FGFR4: variants seen among roughly 807,000 people sequenced by gnomAD.
FGFR4 encodes hydroxyaryl-protein kinase.
Under a neutral mutation model 89.9 loss-of-function variants are expected in FGFR4, and 63 were observed. That is an observed-to-expected ratio of 0.70 (90% CI 0.57 to 0.86). The LOEUF is 0.86. Among genes scored for constraint, FGFR4 ranks in the 40% least tolerant of loss-of-function variants. The pLI is 0.00. For synonymous variants in FGFR4, 486 were observed against 479.4 expected (o/e 1.01, Z -0.18); for missense variants, 928 against 1,106.7 (o/e 0.84, Z 2.29).
rs752246420 is a variant in FGFR4, at chr5:177,093,545, G to C, written c.1391G>C (p.Arg464Pro). Residue 464 changes from arginine to proline, a missense_variant, in exon 10 of 18, where the codon CGG (arginine) becomes CCG (proline). Transcript: ENST00000292408. This position sits in a 1 kb window ranked among gnomAD's most constrained non-coding sequence, Gnocchi z 5.8. ...CTCGACCCACTATGGGAGTTCCCCC[G>C]GGACAGGTGCGCTGAGCTGTGTGGG... Reference protein sequence around the residue: ...LPLDPLWEFPRDRLVLGKPLG... With the variant: ...LPLDPLWEFPPDRLVLGKPLG... 2.5e-6 allele frequency: 4 copies of C among 1,613,396 alleles called. No homozygotes were observed. Among genetic ancestry groups the C allele is most frequent in the Admixed American group, 3.3e-5 (2 of 59,988 alleles).
chr5:177,096,560 T>A (rs375435196), intron 15 of FGFR4, 44 bp from the exon 16 acceptor site: 15 of 1,607,854 alleles, frequency 9.3e-6, no homozygotes, highest in Non-Finnish European at 1.2e-5. Context: ...GCCCCGGTCG[T>A]CGGGAGGGCG....
At position 177,091,012 on chromosome 5, in the gene FGFR4, C is replaced by T. The variant is rs139464025; in HGVS notation, c.511C>T (p.Arg171Cys). The T allele has an allele frequency of 5.0e-6, 8 of 1,613,474 alleles. No individual in the cohort carries two copies. Among genetic ancestry groups the T allele is most frequent in the Admixed American group, 1.7e-5 (1 of 59,992 alleles). ...AVPAGNTVKFRCPAAGNPTPT... is the reference protein window; with the variant it reads ...AVPAGNTVKFCCPAAGNPTPT... The stretch of plus-strand genomic sequence containing the variant: ...ACCTGCGGGGAACACCGTCAAGTTC[C>T]GCTGTCCAGCTGCAGGCAACCCCAC... The change falls in exon 5 of 18, where the codon CGC becomes TGC. Residue 171 changes from arginine (R) to cysteine (C), a missense_variant. Transcript: ENST00000292408.
At chr5:177,090,101 T>C in intron 2 of FGFR4, 1 of 664,682 alleles carries the variant, frequency 1.5e-6, no homozygotes, top group Non-Finnish European at 2.7e-6. Context: ...ATGTGCCTTG[T>C]GTGTGTGTGT....
Position 177,087,763 on chromosome 5 carries a change from G to A in FGFR4, c.-54+686G>A. ...AAGGAGGATCCGACTGGATTCGAGA[G>A]TTGAGGTGGGCCAGAGACAGCAGTA... On this transcript the variant is annotated intron_variant, in intron 1 of 17. Transcript: ENST00000292408. The surrounding 1 kb of genome is among the most constrained non-coding windows in gnomAD (Gnocchi z 6.1). The A allele has an allele frequency of 2.3e-6, 1 of 434,836 alleles. No individual in the cohort carries two copies. Among genetic ancestry groups the A allele is most frequent in the Non-Finnish European group, 3.1e-6 (1 of 326,846 alleles). The allele number at this position is 434,836 out of a possible 1,614,324, so 26.9% of individuals were successfully genotyped here. A position where few individuals can be genotyped will look rare whatever the true frequency, so the allele number is the denominator to read the frequency against.
At position 177,097,934 on chromosome 5, in the gene FGFR4, T is replaced by G; in HGVS notation, c.*258T>G. 2.4e-6 allele frequency: 1 copy of G among 423,426 alleles called. No individual in the cohort carries two copies. The highest frequency in any genetic ancestry group is 3.6e-5 in the East Asian group (1 of 28,158). The allele number at this position is 423,426 out of a possible 1,614,324, so 26.2% of individuals were successfully genotyped here. A position where few individuals can be genotyped will look rare whatever the true frequency, so the allele number is the denominator to read the frequency against. On this transcript the variant is annotated 3_prime_UTR_variant, in exon 18 of 18. Coordinates refer to ENST00000292408, the MANE Select transcript of FGFR4 (RefSeq NM_213647.3). ...GTTTGGCTGAGCCTGGCTGGAGAGC[T>G]GCTATGCTAAACCTCCTGCCTCCCA...
chr5:177,096,159 TA>T lies in FGFR4; in HGVS notation c.1925del (p.Tyr642SerfsTer12). ...GGCCCGCGGCGTCCACCACATTGAC[TA>T]CTATAAGAAAACCAGCAACGTGAGG... ...GLARGVHHIDYYKKTSNGRLP... is the reference protein window; with the variant it reads ...GLARGVHHIDXYKKTSNGRLP... On this transcript the variant is annotated frameshift_variant, in exon 14 of 18. Coordinates refer to ENST00000292408, the MANE Select transcript of FGFR4 (RefSeq NM_213647.3). LOFTEE classifies it high-confidence loss of function. The T allele has an allele frequency of 6.2e-7, 1 of 1,614,044 alleles. No individual in the cohort carries two copies. Among genetic ancestry groups the T allele is most frequent in the Non-Finnish European group, 8.5e-7 (1 of 1,179,962 alleles).
At chr5:177,096,983 CTCT>C (rs1784608465) in intron 16 of FGFR4, among the ~76,000 whole-genome samples, 1 of 69,488 alleles carries the variant, frequency 1.4e-5, no homozygotes, top group African/African-American at 5.4e-5. Flanking sequence ...CCTCCTCCTT[CTCT>C]TCCTCCTCCT....
In FGFR4 at chr5:177,089,662, G is replaced by C; in HGVS notation, c.60G>C (p.Leu20Phe). ...VLLSVPGPPVLSLEASEEVEL... is the reference protein window; with the variant it reads ...VLLSVPGPPVFSLEASEEVEL... Reference sequence around the variant, plus strand: ...TGAGTGTGCCTGGGCCTCCAGTCTTGTCCCTGGAGGCCTCTGAGGAAGTGG... The same window carrying C: ...TGAGTGTGCCTGGGCCTCCAGTCTTCTCCCTGGAGGCCTCTGAGGAAGTGG... Residue 20 changes from leucine to phenylalanine, a missense_variant, in exon 2 of 18, where the codon TTG becomes TTC. Coordinates refer to ENST00000292408, the MANE Select transcript of FGFR4 (RefSeq NM_213647.3). 1.9e-6 allele frequency: 3 copies of C among 1,613,982 alleles called. No homozygotes were observed. Among genetic ancestry groups the C allele is most frequent in the Non-Finnish European group, 2.5e-6 (3 of 1,179,988 alleles).
Position 177,095,472 on chromosome 5 carries a change from C to T in FGFR4, c.1630+32C>T, listed in dbSNP as rs1582017525. The T allele has an allele frequency of 4.3e-6, 7 of 1,613,570 alleles. No individual in the cohort carries two copies. Among genetic ancestry groups the T allele is most frequent in the Middle Eastern group, 1.7e-4 (1 of 6,050 alleles). ...CCGAGGCGGGGCTGGCTGCACGGGCCGTTAGGGTGCAGAGCCAAAGCTTTG... is the reference window on the plus strand; with the variant it reads ...CCGAGGCGGGGCTGGCTGCACGGGCTGTTAGGGTGCAGAGCCAAAGCTTTG... On this transcript the variant is annotated intron_variant, in intron 12 of 17. Transcript: ENST00000292408. The surrounding 1 kb of genome is among the most constrained non-coding windows in gnomAD (Gnocchi z 5.7).
intron 5 of FGFR4, among the ~76,000 whole-genome samples, 160 bp downstream of exon 5, chr5:177,091,264 C>T (rs536315238): frequency 4.6e-4 from 70 of 152,336 alleles, no homozygotes; most frequent in Non-Finnish European, 8.7e-4. Context: ...TCTGGTTCCC[C>T]TTCTGCTACT....
chr5:177,095,898 G>A lies in FGFR4; in HGVS notation c.1822-159G>A, dbSNP rs1330105874. On this transcript the variant is annotated intron_variant, in intron 13 of 17. Coordinates refer to ENST00000292408, the MANE Select transcript of FGFR4 (RefSeq NM_213647.3). This position sits in a 1 kb window ranked among gnomAD's most constrained non-coding sequence, Gnocchi z 5.7. ...CTCGTTCCTCACCCTTCCCCAGAGG[G>A]GAGAGGGGACGCAGGAGAAGGCACT... is the stretch of plus-strand genomic sequence containing the variant. Among the ~76,000 whole-genome samples the A allele has an allele frequency of 6.6e-6, 1 of 152,234 alleles. No homozygotes were observed. Among genetic ancestry groups the A allele is most frequent in the Non-Finnish European group, 1.5e-5 (1 of 68,048 alleles).
rs375735938 is a variant in FGFR4 at position 177,091,677 on chromosome 5, G to A, written c.604-8G>A. The A allele has an allele frequency of 5.6e-6, 9 of 1,613,832 alleles. No homozygotes were observed. The African/African-American group carries it at 1.2e-4, about 22-fold the overall frequency. On this transcript the variant is annotated splice_polypyrimidine_tract_variant and splice_region_variant and intron_variant, in intron 5 of 17. Coordinates refer to ENST00000292408, the MANE Select transcript of FGFR4 (RefSeq NM_213647.3). ...TCCGGTGGTCCCGGACACTCTCTCT[G>A]CCTGCAGCTGCGCCATCAGCACTGG...
rs766227552 is a variant in FGFR4, at chr5:177,096,161, C to G, written c.1926C>G (p.Tyr642Ter). Reference sequence around the variant, plus strand: ...CCCGCGGCGTCCACCACATTGACTACTATAAGAAAACCAGCAACGTGAGGG... The same window carrying G: ...CCCGCGGCGTCCACCACATTGACTAGTATAAGAAAACCAGCAACGTGAGGG... ...GLARGVHHID[Y>*]YKKTSNGRLP... Residue 642 changes from tyrosine to a stop codon, truncating the protein, a stop_gained, in exon 14 of 18, where the codon TAC becomes TAG. Coordinates refer to ENST00000292408, the MANE Select transcript of FGFR4 (RefSeq NM_213647.3). LOFTEE classifies it high-confidence loss of function. The G allele has an allele frequency of 6.2e-7, 1 of 1,614,024 alleles. No homozygotes were observed. Among genetic ancestry groups the G allele is most frequent in the Non-Finnish European group, 8.5e-7 (1 of 1,179,950 alleles).
chr5:177,091,606 ATGAGGATCTAGCCTCC>A, intron 5 of FGFR4, 63 bp from the exon 6 acceptor site: 1 of 1,571,908 alleles, frequency 6.4e-7, no homozygotes, highest in East Asian at 2.3e-5. Context: ...TGTGGGCAGG[ATGAGGATCTAGCCTCC>A]TGGTCCTCTG....
In FGFR4 at chr5:177,093,436, T is replaced by C; in HGVS notation, c.1282T>C (p.Ser428Pro). 6.2e-7 allele frequency: 1 copy of C among 1,614,070 alleles called. No individual in the cohort carries two copies. Among genetic ancestry groups the C allele is most frequent in the Non-Finnish European group, 8.5e-7 (1 of 1,179,974 alleles). ...CCTGGAGTCAGGCTCTTCCGGCAAG[T>C]CAAGCTCATCCCTGGTACGAGGCGT... Reference protein sequence around the residue: ...FSLESGSSGKSSSSLVRGVRL... With the variant: ...FSLESGSSGKPSSSLVRGVRL... Residue 428 changes from serine (S) to proline (P), a missense_variant, in exon 10 of 18, where the codon TCA becomes CCA. Physicochemically the swap from Ser to Pro is moderately conservative, Grantham distance 74 (BLOSUM62 -1). Transcript: ENST00000292408. The surrounding 1 kb of genome is among the most constrained non-coding windows in gnomAD (Gnocchi z 5.8).
chr5:177,096,980 CTTCTCT>C (rs1199265829), intron 16 of FGFR4, among the ~76,000 whole-genome samples: 1 of 71,464 alleles, frequency 1.4e-5, no homozygotes, highest in Non-Finnish European at 2.9e-5. Flanking sequence ...CTTCCTCCTC[CTTCTCT>C]TCCTCCTCCT....
Position 177,097,873 on chromosome 5 carries a change from G to A in FGFR4, c.*197G>A, listed in dbSNP as rs1340869723. 1.0e-5 allele frequency: 6 copies of A among 586,274 alleles called. No homozygotes were observed. Among genetic ancestry groups the A allele is most frequent in the South Asian group, 3.7e-5 (1 of 27,302 alleles). The allele number at this position is 586,274 out of a possible 1,614,324, so 36.3% of individuals were successfully genotyped here. On this transcript the variant is annotated 3_prime_UTR_variant, in exon 18 of 18. Transcript: ENST00000292408. ...TGGCCCAAATGTCAGGGTTCTGCTC[G>A]GCTTCTTGGACCTTGGCGCTTAGTC... is the stretch of plus-strand genomic sequence containing the variant.
chr5:177,094,964 C>G (rs1289378761), intron 11 of FGFR4: 1 of 234,122 alleles, frequency 4.3e-6, no homozygotes, highest in Non-Finnish European at 8.7e-6. Flanking sequence ...AAGCTCTGAC[C>G]CCATGCGGGG....
At chr5:177,092,602 G>T in intron 7 of FGFR4, 44 bp from the exon 8 acceptor site, 1 of 1,578,088 alleles carries the variant, frequency 6.3e-7, no homozygotes, top group Non-Finnish European at 8.6e-7. Context: ...CCACAGTGTG[G>T]CCCCAGGCCC....
Sources: gnomAD v4.1 joint callset for allele counts (sites outside exome capture counted in the v4.1 genomes callset) on GRCh38, gnomAD v4.1.1 for gene constraint, Gnocchi (gnomAD v3.1) non-coding constraint, MANE v1.5 for transcripts, NCBI Gene and HGNC (gene_info 2026-07-23, HGNC 2026-07-21) for gene names.